The following DUSP22 variants were observed in gnomAD, a reference collection of about 807,000 sequenced individuals.
DUSP22 encodes dual specificity phosphatase 22.
DUSP22 carries 24 observed loss-of-function variants against 24.5 expected under a neutral mutation model. The observed-to-expected ratio is 0.98, with a 90% CI of 0.71 to 1.38. DUSP22 has a LOEUF of 1.38. Ranked by LOEUF, DUSP22 falls within the 40% of genes most tolerant of loss-of-function variation. The pLI, the probability that DUSP22 is intolerant of heterozygous loss-of-function variation, is 0.00. For synonymous variants in DUSP22, 160 were observed against 106.4 expected, an observed-to-expected ratio of 1.50 and a Z score of -3.10; for missense variants, 330 against 269.2, an observed-to-expected ratio of 1.23 and a Z score of -1.58.
In DUSP22 at chr6:293,791, T is replaced by C. The variant is rs541863476; in HGVS notation, c.21+1231T>C. On this transcript the variant is annotated intron_variant, in intron 1 of 6. Coordinates refer to ENST00000419235, the MANE Select transcript of DUSP22 (RefSeq NM_001286555.3). The stretch of plus-strand genomic sequence containing the variant: ...TGGGGTATTTTGGTAAAGAGAATTG[T>C]ATTCACTTTTTTTTTTTTTTTTTTT... 5.5e-4 allele frequency among the ~76,000 whole-genome samples: 84 copies of C among 152,032 alleles called. No homozygotes were observed. The East Asian group carries it at 0.015, about 28-fold the overall frequency.
At chr6:329,869 G>C (rs9328127) in intron 3 of DUSP22, among the ~76,000 whole-genome samples, 2 of 152,152 alleles carry the variant, frequency 1.3e-5, no homozygotes. Context: ...CTGTGACCTT[G>C]CTTCTGATCA....
At chr6:309,959 G>T (rs1242190375) in intron 2 of DUSP22, among the ~76,000 whole-genome samples, 1 of 152,266 alleles carries the variant, frequency 6.6e-6, no homozygotes, top group South Asian at 2.1e-4. Context: ...GTTGTTGTTT[G>T]GTTTTGTTTT....
chr6:348,300 A>G, intron 6 of DUSP22, 26 bp downstream of exon 6: 1 of 1,613,500 alleles, frequency 6.2e-7, no homozygotes, highest in Non-Finnish European at 8.5e-7. Context: ...GGGACATCAG[A>G]GATGCAGGCA....
intron 3 of DUSP22, chr6:319,993 G>T (rs1758517585): frequency 6.6e-6 from 1 of 152,456 alleles, no homozygotes; most frequent in East Asian, 1.9e-4. Flanking sequence ...GGTTTCTCGT[G>T]TGGCAGTCGG....
intron 4 of DUSP22, among the ~76,000 whole-genome samples, chr6:341,670 G>A (rs1759614583): frequency 6.6e-6 from 1 of 152,306 alleles, no homozygotes; most frequent in Admixed American, 6.5e-5. Context: ...GCCGCGAATG[G>A]CCCTATCATG....
chr6:350,820 A>C lies in DUSP22; in HGVS notation c.*1869A>C. ...GTTGCCAGTAATGTTCTTTCTTCAC[A>C]GCCGCTCCGGGAATTCTGAAGTTCT... is the stretch of plus-strand genomic sequence containing the variant. On this transcript the variant is annotated 3_prime_UTR_variant, in exon 7 of 7. Transcript: ENST00000419235. 6.2e-7 allele frequency: 1 copy of C among 1,614,276 alleles called. No individual in the cohort carries two copies. The highest frequency in any genetic ancestry group is 1.7e-5 in the Admixed American group (1 of 60,036).
At chr6:296,908 C>T (rs1056995230) in intron 1 of DUSP22, among the ~76,000 whole-genome samples, 16 of 152,302 alleles carry the variant, frequency 1.1e-4, no homozygotes, top group Non-Finnish European at 2.4e-4. Context: ...GTCTTGTGGC[C>T]TCTTCCTTCC....
chr6:329,164 G>A (rs1255806672), intron 3 of DUSP22, among the ~76,000 whole-genome samples: 1 of 152,304 alleles, frequency 6.6e-6, no homozygotes, highest in African/African-American at 2.4e-5. Context: ...GCAATTTCAG[G>A]TTCCTGATTG....
At chr6:298,021 C>T (rs556113615) in intron 1 of DUSP22, among the ~76,000 whole-genome samples, 1 of 152,308 alleles carries the variant, frequency 6.6e-6, no homozygotes, top group Non-Finnish European at 1.5e-5. Flanking sequence ...GGAGAGGAGC[C>T]TCCTGCAGGA....
intron 4 of DUSP22, among the ~76,000 whole-genome samples, chr6:343,776 C>G (rs557965551): frequency 8.7e-6 from 1 of 115,096 alleles, no homozygotes; most frequent in Non-Finnish European, 1.8e-5. Flanking sequence ...GCCGTGAGGT[C>G]GCTGAGTTTC....
At chr6:304,794 C>G in intron 2 of DUSP22, 133 bp downstream of exon 2, 1 of 1,313,696 alleles carries the variant, frequency 7.6e-7, no homozygotes, top group Non-Finnish European at 1.1e-6. Context: ...CAACATCCTT[C>G]TGCAGGACTT....
chr6:315,556 G>A (rs547099224), intron 3 of DUSP22, among the ~76,000 whole-genome samples: 1 of 152,424 alleles, frequency 6.6e-6, no homozygotes, highest in East Asian at 1.9e-4. Flanking sequence ...GATCTTACCA[G>A]ATCACCTTTG....
chr6:343,822 G>A (rs1439979739), intron 4 of DUSP22, among the ~76,000 whole-genome samples: 15 of 152,420 alleles, frequency 9.8e-5, no homozygotes, highest in Admixed American at 4.6e-4. Flanking sequence ...TTGTTAGGCC[G>A]TGCCTGAATT....
intron 3 of DUSP22, among the ~76,000 whole-genome samples, chr6:314,539 G>A (rs1005977638): frequency 7.2e-5 from 11 of 152,300 alleles, no homozygotes; most frequent in Admixed American, 7.2e-4. Context: ...CTCTAGTTCT[G>A]CCTTTATTGT....
At chr6:343,979 A>G (rs1759739908) in intron 4 of DUSP22, among the ~76,000 whole-genome samples, 1 of 152,310 alleles carries the variant, frequency 6.6e-6, no homozygotes, top group African/African-American at 2.4e-5. Flanking sequence ...TAAGCCATTC[A>G]AAGGTAGAAG....
chr6:301,553 A>G (rs937581209), intron 1 of DUSP22, among the ~76,000 whole-genome samples: 4 of 152,304 alleles, frequency 2.6e-5, no homozygotes, highest in Non-Finnish European at 5.9e-5. Flanking sequence ...GCTTTAGAAA[A>G]TTAATTTGAT....
chr6:335,902 A>C (rs997221399), intron 4 of DUSP22, among the ~76,000 whole-genome samples: 2 of 152,310 alleles, frequency 1.3e-5, no homozygotes, highest in Admixed American at 6.5e-5. Flanking sequence ...TTCATAGCAG[A>C]ATAAACCTTT....
At chr6:328,697 AC>A (rs1759001464) in intron 3 of DUSP22, among the ~76,000 whole-genome samples, 1 of 152,310 alleles carries the variant, frequency 6.6e-6, no homozygotes, top group African/African-American at 2.4e-5. Flanking sequence ...TTAAGAAAAT[AC>A]ATCTTCAGTT....
chr6:304,404 C>T (rs764796677), intron 1 of DUSP22, among the ~76,000 whole-genome samples: 13 of 152,306 alleles, frequency 8.5e-5, no homozygotes, highest in African/African-American at 1.4e-4. Context: ...ATGAGGATGA[C>T]GGGGTCGAAG....
Sources: allele counts gnomAD v4.1 joint callset (sites outside exome capture counted in the v4.1 genomes callset), GRCh38; gene constraint gnomAD v4.1.1; transcripts MANE v1.5; gene names NCBI Gene and HGNC (gene_info 2026-07-23, HGNC 2026-07-21).